The following C19orf38 variants were observed in gnomAD, a reference collection of about 807,000 sequenced individuals.
C19orf38 encodes the protein chromosome 19 open reading frame 38, also known as protein HIDE1.
In C19orf38, 14 loss-of-function variants were observed where a neutral mutation model predicts 26.6. That is an observed-to-expected ratio of 0.53 (90% confidence interval 0.35 to 0.82). The LOEUF is 0.82. Among genes scored for constraint, C19orf38 ranks in the 40% least tolerant of loss-of-function variants. C19orf38 has a pLI of 0.01. For synonymous variants in C19orf38, 132 were observed against 128.5 expected (o/e 1.03, Z -0.18); for missense variants, 261 against 299.5 (o/e 0.87, Z 0.95).
At chr19:10,855,006 G>T (rs2073609056) in intron 2 of C19orf38, among the ~76,000 whole-genome samples, 1 of 147,592 alleles carries the variant, frequency 6.8e-6, no homozygotes, top group South Asian at 2.1e-4. Flanking sequence ...GCAAGATTGT[G>T]CCCTGAAGCT....
upstream of C19orf38, among the ~76,000 whole-genome samples, chr19:10,846,371 A>G (rs765420047): frequency 1.5e-4 from 23 of 151,256 alleles, no homozygotes; most frequent in Non-Finnish European, 3.1e-4. Flanking sequence ...TAATTAAAAA[A>G]AATTTTTTTT....
At chr19:10,865,536 G>A (rs1005643886) in intron 6 of C19orf38, among the ~76,000 whole-genome samples, 1 of 152,072 alleles carries the variant, frequency 6.6e-6, no homozygotes, top group East Asian at 1.9e-4. Flanking sequence ...AGAGGCCGAG[G>A]TGGGAAGATT....
intron 1 of C19orf38, chr19:10,841,906 GA>G: frequency 6.3e-7 from 1 of 1,598,194 alleles, no homozygotes; most frequent in Non-Finnish European, 8.6e-7. Context: ...GATTCAAATG[GA>G]ATGCCAGTGT....
At chr19:10,863,606 C>T (rs1179662576) in intron 6 of C19orf38, among the ~76,000 whole-genome samples, 2 of 152,076 alleles carry the variant, frequency 1.3e-5, no homozygotes, top group African/African-American at 2.4e-5. Flanking sequence ...AGGCTGTGGT[C>T]GGTCCCCTCT....
intron 4 of C19orf38, 30 bp downstream of exon 4, chr19:10,858,373 G>A: frequency 6.5e-7 from 1 of 1,538,392 alleles, no homozygotes; most frequent in Non-Finnish European, 8.8e-7. Flanking sequence ...CCCACAGAGG[G>A]TGGTTTGGGG....
chr19:10,837,734 C>T (rs1343577195), intron 1 of C19orf38, among the ~76,000 whole-genome samples: 1 of 151,926 alleles, frequency 6.6e-6, no homozygotes, highest in East Asian at 1.9e-4. Flanking sequence ...GTCTCGATAT[C>T]CTGACCTTCT....
At chr19:10,857,687 C>A (rs1015792683) in intron 3 of C19orf38, among the ~76,000 whole-genome samples, 1 of 151,212 alleles carries the variant, frequency 6.6e-6, no homozygotes, top group Non-Finnish European at 1.5e-5. Context: ...TTGAGACCAG[C>A]CTGGGCAATA....
intron 6 of C19orf38, among the ~76,000 whole-genome samples, chr19:10,863,881 C>G (rs1472188292): frequency 1.3e-5 from 2 of 152,108 alleles, no homozygotes; most frequent in East Asian, 3.9e-4. Context: ...GCATTGCACT[C>G]CAGCCTGGGC....
chr19:10,859,766 G>A, intron 4 of C19orf38, 149 bp from the exon 5 acceptor site: 1 of 661,692 alleles, frequency 1.5e-6, no homozygotes, highest in Admixed American at 2.4e-5. Context: ...GGATGTTACT[G>A]CTCTTCTGTG....
intron 1 of C19orf38, among the ~76,000 whole-genome samples, chr19:10,840,584 T>C (rs2073471616): frequency 6.6e-6 from 1 of 152,226 alleles, no homozygotes; most frequent in South Asian, 2.1e-4. Context: ...AGTGGTACCA[T>C]CTTGGCTCAC....
At chr19:10,839,948 C>T (rs1333123262) in intron 1 of C19orf38, among the ~76,000 whole-genome samples, 1 of 152,114 alleles carries the variant, frequency 6.6e-6, no homozygotes, top group East Asian at 1.9e-4. Context: ...GTCTTTAACT[C>T]CTGGGCTTAA....
At chr19:10,858,567 A>T (rs764677246) in intron 4 of C19orf38, among the ~76,000 whole-genome samples, 4 of 152,160 alleles carry the variant, frequency 2.6e-5, no homozygotes, top group Non-Finnish European at 5.9e-5. Flanking sequence ...GGAAACAGGC[A>T]CCATGAATAG....
intron 5 of C19orf38, among the ~76,000 whole-genome samples, chr19:10,861,323 C>A (rs537839857): frequency 1.3e-5 from 2 of 152,236 alleles, no homozygotes; most frequent in Non-Finnish European, 2.9e-5. Flanking sequence ...CCCAAGGGGG[C>A]GAAAGGCAGC....
intron 5 of C19orf38, among the ~76,000 whole-genome samples, chr19:10,862,886 G>C (rs1049369054): frequency 6.6e-6 from 1 of 152,024 alleles, no homozygotes; most frequent in African/African-American, 2.4e-5. Flanking sequence ...TGGGGAGGAG[G>C]AGGAGCTGGC....
chr19:10,839,082 T>C (rs892134916), intron 1 of C19orf38, among the ~76,000 whole-genome samples: 3 of 152,104 alleles, frequency 2.0e-5, no homozygotes, highest in Admixed American at 2.0e-4. Flanking sequence ...ATTTTTTGTA[T>C]TTTTAGTAGA....
At chr19:10,852,866 T>A (rs80351878) in intron 2 of C19orf38, among the ~76,000 whole-genome samples, 2,651 of 151,832 alleles carry the variant, frequency 0.017, 92 homozygotes, top group African/African-American at 0.062. Flanking sequence ...GGGTTATGGG[T>A]CAAGAAGCAG....
At chr19:10,859,270 GTGTGTGTGTA>G (rs1360406722) in intron 4 of C19orf38, among the ~76,000 whole-genome samples, 6 of 136,384 alleles carry the variant, frequency 4.4e-5, no homozygotes, top group Admixed American at 1.5e-4. Context: ...GTGTGTGTGT[GTGTGTGTGTA>G]TGTGTGTGTG....
At chr19:10,850,773 A>T (rs1004789418) in intron 2 of C19orf38, among the ~76,000 whole-genome samples, 2 of 152,140 alleles carry the variant, frequency 1.3e-5, no homozygotes, top group South Asian at 4.1e-4. Context: ...CACAGGGCCG[A>T]CTTCAGGTAT....
intron 6 of C19orf38, among the ~76,000 whole-genome samples, chr19:10,865,401 C>A (rs1289223972): frequency 6.6e-6 from 1 of 152,318 alleles, no homozygotes; most frequent in Middle Eastern, 3.4e-3. Context: ...CCCGCCTTGG[C>A]CTCCCAAAGT....
Sources: allele counts gnomAD v4.1 joint callset (sites outside exome capture counted in the v4.1 genomes callset), GRCh38; gene constraint gnomAD v4.1.1; transcripts MANE v1.5; gene names NCBI Gene and HGNC (gene_info 2026-07-23, HGNC 2026-07-21).